The following SIL1 variants were observed in gnomAD, a reference collection of about 807,000 sequenced individuals.
SIL1 encodes nucleotide exchange factor SIL1.
A neutral mutation model predicts 49.1 loss-of-function variants in SIL1; 40 were observed. The observed-to-expected ratio is 0.81, with a 90% CI of 0.63 to 1.06. SIL1 has a LOEUF of 1.06. Ranked by LOEUF, SIL1 falls within the 50% of genes least tolerant of loss-of-function variation. SIL1 has a pLI of 0.00. For synonymous variants in SIL1, 253 were observed against 250.8 expected (o/e 1.01, Z -0.08); for missense variants, 500 against 572.6 (o/e 0.87, Z 1.29).
chr5:139,173,340 A>C (rs998883919), intron 1 of SIL1, among the ~76,000 whole-genome samples: 1 of 152,054 alleles, frequency 6.6e-6, no homozygotes, highest in East Asian at 1.9e-4. Flanking sequence ...ACTTGAGGTC[A>C]GGAGTTTGAG....
chr5:138,989,709 G>C (rs1412152738), intron 7 of SIL1, among the ~76,000 whole-genome samples: 2 of 152,182 alleles, frequency 1.3e-5, no homozygotes, highest in Non-Finnish European at 2.9e-5. Flanking sequence ...CTTTGCAAAA[G>C]GGGAAACTGC....
At chr5:139,035,774 G>C (rs569264193) in intron 5 of SIL1, 7 of 178,624 alleles carry the variant, frequency 3.9e-5, no homozygotes, top group African/African-American at 1.7e-4. Context: ...TCAGCCTCCT[G>C]AGTAGCTGGG....
At chr5:139,087,003 A>G (rs1476714531) in intron 3 of SIL1, among the ~76,000 whole-genome samples, 1 of 151,752 alleles carries the variant, frequency 6.6e-6, no homozygotes, top group Admixed American at 6.6e-5. Flanking sequence ...TTTTTTAAAA[A>G]AATTATATAA....
chr5:139,124,722 T>A (rs1207686824), intron 2 of SIL1, among the ~76,000 whole-genome samples: 1 of 152,238 alleles, frequency 6.6e-6, no homozygotes, highest in Non-Finnish European at 1.5e-5. Context: ...GAGGTTGTAA[T>A]GATAACAGCA....
chr5:139,147,227 C>T (rs767506339), intron 1 of SIL1, among the ~76,000 whole-genome samples: 3 of 152,146 alleles, frequency 2.0e-5, no homozygotes, highest in Non-Finnish European at 4.4e-5. Flanking sequence ...CAAGGGGTTT[C>T]CAACCACTCC....
chr5:139,160,055 T>C (rs758361494), intron 1 of SIL1, among the ~76,000 whole-genome samples: 20 of 151,868 alleles, frequency 1.3e-4, no homozygotes, highest in Middle Eastern at 3.4e-3. Context: ...TGAGGTACCA[T>C]TACATGACAC....
At chr5:139,124,949 T>C (rs1750724793) in intron 2 of SIL1, among the ~76,000 whole-genome samples, 1 of 152,248 alleles carries the variant, frequency 6.6e-6, no homozygotes, top group African/African-American at 2.4e-5. Flanking sequence ...TTTGACTCAC[T>C]GCTATGATTC....
chr5:139,040,478 T>TTTTTTA, intron 5 of SIL1, among the ~76,000 whole-genome samples: 1 of 122,428 alleles, frequency 8.2e-6, no homozygotes, highest in African/African-American at 3.4e-5. Context: ...GAGAGGAGTA[T>TTTTTTA]TTTTTCTTTT....
intron 9 of SIL1, among the ~76,000 whole-genome samples, chr5:138,949,653 C>T (rs1006729875): frequency 5.9e-5 from 9 of 151,636 alleles, no homozygotes; most frequent in South Asian, 4.2e-4. Context: ...CTACAAAAAA[C>T]GAACAAAATT....
intron 7 of SIL1, among the ~76,000 whole-genome samples, chr5:138,960,721 C>T (rs1168872939): frequency 6.6e-6 from 1 of 152,210 alleles, no homozygotes; most frequent in Admixed American, 6.5e-5. Flanking sequence ...CTCCCAAGTG[C>T]TGGGATTACA....
intron 7 of SIL1, among the ~76,000 whole-genome samples, chr5:139,010,912 TTTTG>T (rs1245443310): frequency 6.7e-6 from 1 of 149,354 alleles, no homozygotes; most frequent in African/African-American, 2.4e-5. Flanking sequence ...ACTGCTGTCT[TTTTG>T]TTTGTCTGTG....
intron 7 of SIL1, among the ~76,000 whole-genome samples, chr5:139,003,250 A>T (rs1161641672): frequency 6.6e-6 from 1 of 152,146 alleles, no homozygotes; most frequent in Non-Finnish European, 1.5e-5. Flanking sequence ...TCTCAAATGC[A>T]GTTGCCTGGG....
At chr5:139,072,948 T>TA (rs531387695) in intron 3 of SIL1, among the ~76,000 whole-genome samples, 2 of 151,718 alleles carry the variant, frequency 1.3e-5, no homozygotes, top group Non-Finnish European at 2.9e-5. Flanking sequence ...AACAGGTATA[T>TA]AAAAAAAAGA....
intron 5 of SIL1, chr5:139,035,641 AC>A: frequency 4.4e-6 from 1 of 227,290 alleles, no homozygotes; most frequent in South Asian, 4.9e-5. Flanking sequence ...CAGGTATACA[AC>A]TTTTTTTTTT....
intron 3 of SIL1, among the ~76,000 whole-genome samples, chr5:139,067,430 A>G (rs1402408954): frequency 6.6e-6 from 1 of 152,184 alleles, no homozygotes; most frequent in African/African-American, 2.4e-5. Flanking sequence ...TTGATGAACT[A>G]TTGGTCATAG....
intron 7 of SIL1, among the ~76,000 whole-genome samples, chr5:138,978,258 G>A (rs1461971771): frequency 1.4e-5 from 2 of 146,138 alleles, no homozygotes; most frequent in African/African-American, 5.1e-5. Flanking sequence ...CTACAGATTT[G>A]AATATTCCAG....
chr5:138,950,955 T>C (rs915252051), intron 9 of SIL1, among the ~76,000 whole-genome samples: 1 of 152,008 alleles, frequency 6.6e-6, no homozygotes, highest in Non-Finnish European at 1.5e-5. Flanking sequence ...CACCTCCCAC[T>C]CCTCATCAGC....
At chr5:139,137,736 T>C (rs1310797072) in intron 1 of SIL1, among the ~76,000 whole-genome samples, 1 of 141,638 alleles carries the variant, frequency 7.1e-6, no homozygotes, top group East Asian at 2.3e-4. Context: ...TGTGTCCATG[T>C]GTTCTCATTG....
chr5:138,995,402 G>T (rs1252762186), intron 7 of SIL1, among the ~76,000 whole-genome samples: 1 of 151,906 alleles, frequency 6.6e-6, no homozygotes, highest in African/African-American at 2.4e-5. Flanking sequence ...GCACCACCAC[G>T]CCTGGCTAAT....
Sources: gnomAD v4.1 joint callset for allele counts (sites outside exome capture counted in the v4.1 genomes callset) on GRCh38, gnomAD v4.1.1 for gene constraint, MANE v1.5 for transcripts, NCBI Gene and HGNC (gene_info 2026-07-23, HGNC 2026-07-21) for gene names.